The following PIANP variants were observed in gnomAD, a reference collection of about 807,000 sequenced individuals.
PIANP encodes PILR alpha associated neural protein.
A neutral mutation model predicts 28.9 loss-of-function variants in PIANP; 14 were observed. The ratio of observed to expected loss-of-function variants is 0.49; its 90% CI spans 0.32 to 0.76. The LOEUF is 0.76. Among genes scored for constraint, PIANP ranks in the 30% least tolerant of loss-of-function variants. PIANP has a pLI of 0.03. For missense variants in PIANP, 322 were observed against 371.8 expected (o/e 0.87, Z 1.10); for synonymous variants, 149 against 156.6 (o/e 0.95, Z 0.36).
At chr12:6,698,227 A>C (rs886943028) in intron 1 of PIANP, 123 bp from the exon 2 acceptor site, 10 of 788,168 alleles carry the variant, frequency 1.3e-5, no homozygotes, top group Non-Finnish European at 1.9e-5. Context: ...ATGCGGCTGC[A>C]CCCAGGATTC....
Position 6,696,480 on chromosome 12 carries a change from T to C in PIANP, c.568A>G (p.Ile190Val). 1 of 1,602,406 alleles carries C rather than the reference T, an allele frequency of 6.2e-7. No homozygotes were observed. Residue 190 changes from isoleucine (I) to valine (V), a missense_variant, in exon 4 of 5, where the codon ATT (isoleucine) becomes GTT (valine). Ile to Val is a conservative substitution (Grantham distance 29). Transcript: ENST00000534837. This position sits in a 1 kb window ranked among gnomAD's most constrained non-coding sequence, Gnocchi z 4.0. ...LYVTITISII[I>V]VLVATGIIFK... ...ATGATGCCAGTGGCCACGAGAACAA[T>C]GATGATGGAGATGGTAATTGTGACA... is the stretch of plus-strand genomic sequence containing the variant.
rs1960020383 is a variant in PIANP at position 6,700,427 on chromosome 12, G to A, written c.-44+187C>T. ...GCGGGGACGGGGACGGCTGCGCCAG[G>A]GAGGGCGGGAGCGAGCCAGGACCGC... On this transcript the variant is annotated intron_variant, in intron 1 of 4. Coordinates refer to ENST00000534837, the MANE Select transcript of PIANP (RefSeq NM_001244014.2). The surrounding 1 kb of genome is among the most constrained non-coding windows in gnomAD (Gnocchi z 5.5). The A allele has an allele frequency of 2.0e-5, 3 of 152,162 alleles. No individual in the cohort carries two copies. The South Asian group carries it at 6.2e-4, about 31-fold the overall frequency. The allele number at this position is 152,162 out of a possible 1,614,324, so 9.4% of individuals were successfully genotyped here. A position where few individuals can be genotyped will look rare whatever the true frequency, so the allele number is the denominator to read the frequency against.
chr12:6,695,243 TGA>T lies in PIANP; in HGVS notation c.*181_*182del. On this transcript the variant is annotated 3_prime_UTR_variant, in exon 5 of 5. Transcript: ENST00000534837. The surrounding 1 kb of genome is among the most constrained non-coding windows in gnomAD (Gnocchi z 4.2). ...GCAGCAGAGAATAGGACACAGATCC[TGA>T]GAGACTGGGAGAAGGAAGGGTGCCT... 1 of 1,406,390 alleles carries T rather than the reference TGA, an allele frequency of 7.1e-7. No individual in the cohort carries two copies. The highest frequency in any genetic ancestry group is 9.3e-7 in the Non-Finnish European group (1 of 1,073,330). 87.1% of individuals were successfully genotyped at this position (1,406,390 alleles called of 1,614,324 possible). A position where few individuals can be genotyped will look rare whatever the true frequency, so the allele number is the denominator to read the frequency against.
chr12:6,695,263 G>C lies in PIANP; in HGVS notation c.*163C>G. On this transcript the variant is annotated 3_prime_UTR_variant, in exon 5 of 5. Coordinates refer to ENST00000534837, the MANE Select transcript of PIANP (RefSeq NM_001244014.2). This position sits in a 1 kb window ranked among gnomAD's most constrained non-coding sequence, Gnocchi z 4.2. ...GATCCTGAGAGACTGGGAGAAGGAA[G>C]GGTGCCTCCCAGAGAGGAGCTGGTC... 1 of 1,400,754 alleles carries C rather than the reference G, an allele frequency of 7.1e-7. No homozygotes were observed. The highest frequency in any genetic ancestry group is 3.0e-5 in the Admixed American group (1 of 33,118). 86.8% of individuals were successfully genotyped at this position (1,400,754 alleles called of 1,614,324 possible). A position where few individuals can be genotyped will look rare whatever the true frequency, so the allele number is the denominator to read the frequency against.
chr12:6,694,901 T>A lies in PIANP; in HGVS notation c.*525A>T. 9.0e-7 allele frequency: 1 copy of A among 1,116,872 alleles called. No individual in the cohort carries two copies. Among genetic ancestry groups the A allele is most frequent in the Non-Finnish European group, 1.2e-6 (1 of 809,096 alleles). 69.2% of individuals were successfully genotyped at this position (1,116,872 alleles called of 1,614,324 possible). A position where few individuals can be genotyped will look rare whatever the true frequency, so the allele number is the denominator to read the frequency against. On this transcript the variant is annotated 3_prime_UTR_variant, in exon 5 of 5. Coordinates refer to ENST00000534837, the MANE Select transcript of PIANP (RefSeq NM_001244014.2). This position sits in a 1 kb window ranked among gnomAD's most constrained non-coding sequence, Gnocchi z 6.1. ...GATTGCCCGTGGGGCTGGGGAGTGTTCCGGGTGGTGTGCAAGGGGCAGGAG... is the reference window on the plus strand; with the variant it reads ...GATTGCCCGTGGGGCTGGGGAGTGTACCGGGTGGTGTGCAAGGGGCAGGAG...
Position 6,695,694 on chromosome 12 carries a change from A to G in PIANP, c.606-43T>C, listed in dbSNP as rs772992454. ...AAGAGGTTCTCTTGCACACTCAAGT[A>G]GCCCCCATCCTGGGCCTGCACCAGT... On this transcript the variant is annotated intron_variant, in intron 4 of 4. Coordinates refer to ENST00000534837, the MANE Select transcript of PIANP (RefSeq NM_001244014.2). This position sits in a 1 kb window ranked among gnomAD's most constrained non-coding sequence, Gnocchi z 4.2. 1.4e-6 allele frequency: 2 copies of G among 1,428,854 alleles called. No homozygotes were observed. The highest frequency in any genetic ancestry group is 1.8e-6 in the Non-Finnish European group (2 of 1,085,442). 88.5% of individuals were successfully genotyped at this position (1,428,854 alleles called of 1,614,324 possible).
At position 6,695,827 on chromosome 12, in the gene PIANP, C is replaced by G. The variant is rs1160525822; in HGVS notation, c.606-176G>C. On this transcript the variant is annotated intron_variant, in intron 4 of 4. Transcript: ENST00000534837. The surrounding 1 kb of genome is among the most constrained non-coding windows in gnomAD (Gnocchi z 4.2). Reference sequence around the variant, plus strand: ...CTGGGACTCTGTGCCCATAAAGCCACTTCCCCTGCCCTCTAGGGGAGCTTG... The same window carrying G: ...CTGGGACTCTGTGCCCATAAAGCCAGTTCCCCTGCCCTCTAGGGGAGCTTG... Among the ~76,000 whole-genome samples the G allele has an allele frequency of 6.6e-6, 1 of 152,084 alleles. No individual in the cohort carries two copies. The highest frequency in any genetic ancestry group is 1.5e-5 in the Non-Finnish European group (1 of 67,996).
chr12:6,697,334 T>C lies in PIANP; in HGVS notation c.476A>G (p.Glu159Gly). ...RGDGDGLILG[E>G]APATLRPFLF... Reference sequence around the variant, plus strand: ...GAATGGCCGCAGGGTGGCAGGTGCCTCTCCAAGGATAAGCCCATCTCCATC... The same window carrying C: ...GAATGGCCGCAGGGTGGCAGGTGCCCCTCCAAGGATAAGCCCATCTCCATC... Residue 159 changes from glutamate to glycine, a missense_variant, in exon 3 of 5, where the codon GAG (glutamate) becomes GGG (glycine). By Grantham distance (98) the Glu-to-Gly change is moderately conservative. Transcript: ENST00000534837. This position sits in a 1 kb window ranked among gnomAD's most constrained non-coding sequence, Gnocchi z 6.9. 1 of 1,613,986 alleles carries C rather than the reference T, an allele frequency of 6.2e-7. No individual in the cohort carries two copies. The highest frequency in any genetic ancestry group is 8.5e-7 in the Non-Finnish European group (1 of 1,179,878).
rs1306837609 is a variant in PIANP at position 6,696,677 on chromosome 12, T to C, written c.524-153A>G. Among the ~76,000 whole-genome samples, 11 of 152,280 alleles carry C rather than the reference T, an allele frequency of 7.2e-5. No homozygotes were observed. The East Asian group carries it at 2.1e-3, about 29-fold the overall frequency. Reference sequence around the variant, plus strand: ...TCTGCCCCTCTGGAGCCTCACTCTTTATTATCACCAGCATTCCCCTGAGTT... The same window carrying C: ...TCTGCCCCTCTGGAGCCTCACTCTTCATTATCACCAGCATTCCCCTGAGTT... On this transcript the variant is annotated intron_variant, in intron 3 of 4. Coordinates refer to ENST00000534837, the MANE Select transcript of PIANP (RefSeq NM_001244014.2). This position sits in a 1 kb window ranked among gnomAD's most constrained non-coding sequence, Gnocchi z 4.0.
At position 6,696,958 on chromosome 12, in the gene PIANP, C is replaced by T. The variant is rs1039720162; in HGVS notation, c.523+329G>A. Among the ~76,000 whole-genome samples, 8 of 152,196 alleles carry T rather than the reference C, an allele frequency of 5.3e-5. No homozygotes were observed. Among genetic ancestry groups the T allele is most frequent in the African/African-American group, 1.7e-4 (7 of 41,450 alleles). ...TCTCTGCCCAGAATACTCCCACTCT[C>T]TTTTCAAGGGCCAGCTCAAATGTCA... On this transcript the variant is annotated intron_variant, in intron 3 of 4. Coordinates refer to ENST00000534837, the MANE Select transcript of PIANP (RefSeq NM_001244014.2). This position sits in a 1 kb window ranked among gnomAD's most constrained non-coding sequence, Gnocchi z 4.0.
rs765064497 is a variant in PIANP, at chr12:6,697,440, T to G, written c.370A>C (p.Asn124His). Residue 124 changes from asparagine (N) to histidine (H), a missense_variant, in exon 3 of 5, where the codon AAT becomes CAT. Physicochemically the swap from Asn to His is moderately conservative, Grantham distance 68. Coordinates refer to ENST00000534837, the MANE Select transcript of PIANP (RefSeq NM_001244014.2). The surrounding 1 kb of genome is among the most constrained non-coding windows in gnomAD (Gnocchi z 6.9). ...REDGGDPNSA[N>H]PGFLDYGFAA... ...AAACCATAGTCCAGAAATCCGGGAT[T>G]GGCAGAGTTGGGGTCCCCTCCATCC... The G allele has an allele frequency of 6.2e-7, 1 of 1,614,024 alleles. No individual in the cohort carries two copies. Among genetic ancestry groups the G allele is most frequent in the Admixed American group, 1.7e-5 (1 of 60,026 alleles).
In PIANP at chr12:6,694,906, G is replaced by C; in HGVS notation, c.*520C>G. On this transcript the variant is annotated 3_prime_UTR_variant, in exon 5 of 5. Transcript: ENST00000534837. This position sits in a 1 kb window ranked among gnomAD's most constrained non-coding sequence, Gnocchi z 6.1. ...CCCGTGGGGCTGGGGAGTGTTCCGG[G>C]TGGTGTGCAAGGGGCAGGAGCCAGG... 1.7e-6 allele frequency: 2 copies of C among 1,144,812 alleles called. No homozygotes were observed. Among genetic ancestry groups the C allele is most frequent in the East Asian group, 2.7e-5 (1 of 37,392 alleles). The allele number at this position is 1,144,812 out of a possible 1,614,324, so 70.9% of individuals were successfully genotyped here.
chr12:6,694,960 T>A lies in PIANP; in HGVS notation c.*466A>T. Reference sequence around the variant, plus strand: ...CCCTGTGGCCCCAGCTCCCCACAGCTGCCCCACCCTCAGTGGGATGGGGGC... The same window carrying A: ...CCCTGTGGCCCCAGCTCCCCACAGCAGCCCCACCCTCAGTGGGATGGGGGC... On this transcript the variant is annotated 3_prime_UTR_variant, in exon 5 of 5. Transcript: ENST00000534837. The surrounding 1 kb of genome is among the most constrained non-coding windows in gnomAD (Gnocchi z 6.1). 1.4e-6 allele frequency: 2 copies of A among 1,472,102 alleles called. No homozygotes were observed. The highest frequency in any genetic ancestry group is 2.7e-5 in the South Asian group (2 of 74,346). 91.2% of individuals were successfully genotyped at this position (1,472,102 alleles called of 1,614,324 possible). A position where few individuals can be genotyped will look rare whatever the true frequency, so the allele number is the denominator to read the frequency against.
chr12:6,697,419 C>T lies in PIANP; in HGVS notation c.391G>A (p.Gly131Ser), dbSNP rs767994941. ...GCGAGCCCATGAGGGGCTGCAAAAC[C>T]ATAGTCCAGAAATCCGGGATTGGCA... is the stretch of plus-strand genomic sequence containing the variant. ...NSANPGFLDYGFAAPHGLATP... is the reference protein window; with the variant it reads ...NSANPGFLDYSFAAPHGLATP... Residue 131 changes from glycine to serine, a missense_variant, in exon 3 of 5, where the codon GGT (glycine) becomes AGT (serine). Transcript: ENST00000534837. The surrounding 1 kb of genome is among the most constrained non-coding windows in gnomAD (Gnocchi z 6.9). 4 of 1,613,936 alleles carry T rather than the reference C, an allele frequency of 2.5e-6. No individual in the cohort carries two copies. Among genetic ancestry groups the T allele is most frequent in the Non-Finnish European group, 3.4e-6 (4 of 1,179,904 alleles).
rs994206487 is a variant in PIANP, at chr12:6,695,897, AAATT to A, written c.606-250_606-247del. Reference sequence around the variant, plus strand: ...CCTCCAAACCTGATCCAGATCGACAAAATTAATATCCCCTCCCCACCACCACAAT... The same window carrying A: ...CCTCCAAACCTGATCCAGATCGACAAAATATCCCCTCCCCACCACCACAAT... On this transcript the variant is annotated intron_variant, in intron 4 of 4. Coordinates refer to ENST00000534837, the MANE Select transcript of PIANP (RefSeq NM_001244014.2). The surrounding 1 kb of genome is among the most constrained non-coding windows in gnomAD (Gnocchi z 4.2). 4.3e-4 allele frequency among the ~76,000 whole-genome samples: 65 copies of A among 152,130 alleles called. 1 individual carries two copies. Among genetic ancestry groups the A allele is most frequent in the Admixed American group, 2.6e-3 (39 of 15,276 alleles).
downstream of PIANP, among the ~76,000 whole-genome samples, chr12:6,693,356 A>G (rs1452616886): frequency 1.3e-5 from 2 of 152,054 alleles, no homozygotes; most frequent in Non-Finnish European, 2.9e-5. Context: ...TAAACCAAGC[A>G]GGGCAGCTTC....
Position 6,695,559 on chromosome 12 carries a change from G to C in PIANP, c.698C>G (p.Pro233Arg). The C allele has an allele frequency of 6.3e-7, 1 of 1,593,708 alleles. No homozygotes were observed. Among genetic ancestry groups the C allele is most frequent in the African/African-American group, 1.3e-5 (1 of 74,332 alleles). Residue 233 changes from proline to arginine, a missense_variant, in exon 5 of 5, where the codon CCG (proline) becomes CGG (arginine). Physicochemically the swap from Pro to Arg is moderately radical, Grantham distance 103 (BLOSUM62 -2). Coordinates refer to ENST00000534837, the MANE Select transcript of PIANP (RefSeq NM_001244014.2). The surrounding 1 kb of genome is among the most constrained non-coding windows in gnomAD (Gnocchi z 4.2). ...ESQQPLTDLS[P>R]AGVTVLGAFG... ...GGCCCCCAGCACAGTGACTCCAGCC[G>C]GGGACAGGTCTGTCAGTGGCTGCTG...
rs947772801 is a variant in PIANP at position 6,694,789 on chromosome 12, G to T, written c.*637C>A. Reference sequence around the variant, plus strand: ...GTGAAGGTGGAGGTGAGTGTGCAAGGCTTTCATGTGAGTGCACAAGGGTGG... The same window carrying T: ...GTGAAGGTGGAGGTGAGTGTGCAAGTCTTTCATGTGAGTGCACAAGGGTGG... On this transcript the variant is annotated 3_prime_UTR_variant, in exon 5 of 5. Coordinates refer to ENST00000534837, the MANE Select transcript of PIANP (RefSeq NM_001244014.2). The surrounding 1 kb of genome is among the most constrained non-coding windows in gnomAD (Gnocchi z 6.1). 3.5e-5 allele frequency: 17 copies of T among 487,128 alleles called. No homozygotes were observed. Among genetic ancestry groups the T allele is most frequent in the East Asian group, 1.9e-4 (6 of 32,112 alleles). 30.2% of individuals were successfully genotyped at this position (487,128 alleles called of 1,614,324 possible). A position where few individuals can be genotyped will look rare whatever the true frequency, so the allele number is the denominator to read the frequency against.
rs955974194 is a variant in PIANP, at chr12:6,700,091, G to C, written c.-44+523C>G. The C allele has an allele frequency of 6.6e-6, 1 of 152,152 alleles. No individual in the cohort carries two copies. Among genetic ancestry groups the C allele is most frequent in the African/African-American group, 2.4e-5 (1 of 41,402 alleles). 9.4% of individuals were successfully genotyped at this position (152,152 alleles called of 1,614,324 possible). ...CCCCTCCAGGAAGCCCGCAGTCCCC[G>C]GGCTGGCGCGCCACCCCCACCCCTC... On this transcript the variant is annotated intron_variant, in intron 1 of 4. Coordinates refer to ENST00000534837, the MANE Select transcript of PIANP (RefSeq NM_001244014.2). The surrounding 1 kb of genome is among the most constrained non-coding windows in gnomAD (Gnocchi z 5.5).
Sources: allele counts gnomAD v4.1 joint callset (sites outside exome capture counted in the v4.1 genomes callset), GRCh38; gene constraint gnomAD v4.1.1; non-coding constraint Gnocchi (gnomAD v3.1); transcripts MANE v1.5; gene names NCBI Gene and HGNC (gene_info 2026-07-23, HGNC 2026-07-21).